NYAP2: variants seen among roughly 807,000 people sequenced by gnomAD.
NYAP2 encodes neuronal tyrosine-phosphorylated phosphoinositide-3-kinase adapter 2.
A neutral mutation model predicts 50.4 loss-of-function variants in NYAP2; 23 were observed. That is an observed-to-expected ratio of 0.46 (90% CI 0.33 to 0.65). The LOEUF is 0.65. NYAP2 is among the 30% of genes least tolerant of loss of function. NYAP2 has a pLI of 0.02. For synonymous variants in NYAP2, 394 were observed against 365.2 expected (o/e 1.08, Z -0.90); for missense variants, 885 against 861.0 (o/e 1.03, Z -0.35).
At chr2:225,646,342 G>A (rs1693634567) in intron 6 of NYAP2, among the ~76,000 whole-genome samples, 2 of 152,250 alleles carry the variant, frequency 1.3e-5, no homozygotes, top group South Asian at 2.1e-4. Context: ...ACGTGAGGTC[G>A]GGAGTTTGAG....
chr2:225,560,498 G>C (rs928457325), intron 4 of NYAP2, among the ~76,000 whole-genome samples: 1 of 152,106 alleles, frequency 6.6e-6, no homozygotes, highest in Non-Finnish European at 1.5e-5. Context: ...GATACATGAT[G>C]CTAAATTGCC....
At chr2:225,518,037 C>T (rs1344716802) in intron 4 of NYAP2, among the ~76,000 whole-genome samples, 11 of 152,030 alleles carry the variant, frequency 7.2e-5, no homozygotes, top group Non-Finnish European at 1.6e-4. Flanking sequence ...TTACAGCAAT[C>T]TTCACAATAG....
chr2:225,624,056 A>G (rs1334371592), intron 5 of NYAP2, among the ~76,000 whole-genome samples: 1 of 152,192 alleles, frequency 6.6e-6, no homozygotes, highest in Non-Finnish European at 1.5e-5. Flanking sequence ...TACTGCAACA[A>G]TTTTTAAAGT....
intron 5 of NYAP2, among the ~76,000 whole-genome samples, chr2:225,601,712 G>C (rs1237167339): frequency 6.6e-6 from 1 of 151,886 alleles, no homozygotes; most frequent in Non-Finnish European, 1.5e-5. Context: ...CAAGTCCTTT[G>C]CCTATTTATT....
At chr2:225,612,436 C>T (rs1238794727) in intron 5 of NYAP2, among the ~76,000 whole-genome samples, 2 of 152,072 alleles carry the variant, frequency 1.3e-5, no homozygotes, top group Non-Finnish European at 2.9e-5. Context: ...CCACCTCTGA[C>T]TGGCATTGGG....
At chr2:225,479,067 A>G (rs549546390) in intron 3 of NYAP2, among the ~76,000 whole-genome samples, 1 of 152,334 alleles carries the variant, frequency 6.6e-6, no homozygotes, top group South Asian at 2.1e-4. Context: ...ATATTGAGGG[A>G]GAAAAATATG....
At chr2:225,700,614 A>G in the NYAP2 span, 2 of 151,854 alleles carry the variant, frequency 1.3e-5, no homozygotes, top group Non-Finnish European at 2.9e-5. Flanking sequence ...TGTTATCCTG[A>G]TTTAAGTTAT....
chr2:225,535,629 G>A (rs77054908), intron 4 of NYAP2, among the ~76,000 whole-genome samples: 6,798 of 152,248 alleles, frequency 0.045, 217 homozygotes, highest in Middle Eastern at 0.12. Flanking sequence ...GGTGGTCTGA[G>A]TGGAAGAGTG....
intron 3 of NYAP2, among the ~76,000 whole-genome samples, chr2:225,486,556 C>A (rs766857448): frequency 2.0e-5 from 3 of 152,164 alleles, no homozygotes; most frequent in African/African-American, 4.8e-5. Flanking sequence ...GCTTCCAAAT[C>A]CCACTGATTT....
rs1490061752 is a variant in NYAP2, at chr2:225,615,780, A to C, written c.1619-11137A>C. On this transcript the variant is annotated intron_variant, in intron 5 of 6. Transcript: ENST00000636099. ...CAGCCAGACAGAGAAGTTTACCTAC[A>C]AGCCCAGGCAAGTGCTGGGGCCTTC... Among the ~76,000 whole-genome samples the C allele has an allele frequency of 1.3e-5, 2 of 152,202 alleles. 1 individual carries two copies. Among genetic ancestry groups the C allele is most frequent in the East Asian group, 3.9e-4 (2 of 5,190 alleles).
intron 4 of NYAP2, among the ~76,000 whole-genome samples, chr2:225,520,913 T>G (rs1172106813): frequency 6.6e-6 from 1 of 152,050 alleles, no homozygotes; most frequent in Non-Finnish European, 1.5e-5. Flanking sequence ...GAGCATGGAA[T>G]GTTCTTCCAT....
chr2:225,665,968 G>A, the NYAP2 span, among the ~76,000 whole-genome samples: 5 of 151,800 alleles, frequency 3.3e-5, no homozygotes, highest in African/African-American at 1.2e-4. Flanking sequence ...TGGGTGGAGT[G>A]GCTAGACCTG....
At chr2:225,486,658 G>A (rs549484933) in intron 3 of NYAP2, among the ~76,000 whole-genome samples, 4 of 152,110 alleles carry the variant, frequency 2.6e-5, no homozygotes, top group Non-Finnish European at 5.9e-5. Context: ...CATTGTACTC[G>A]TTCAAAGCAA....
chr2:225,411,469 C>T (rs1055269357), intron 3 of NYAP2, among the ~76,000 whole-genome samples: 3 of 151,952 alleles, frequency 2.0e-5, no homozygotes, highest in Non-Finnish European at 4.4e-5. Context: ...TTTTAAATGT[C>T]CAAGTGGAGA....
the NYAP2 span, among the ~76,000 whole-genome samples, chr2:225,662,184 A>C: frequency 6.6e-6 from 1 of 152,248 alleles, no homozygotes; most frequent in African/African-American, 2.4e-5. Context: ...GTGCCAACCA[A>C]GAGCAAAATC....
chr2:225,658,744 A>C (rs1395878536), downstream of NYAP2, among the ~76,000 whole-genome samples: 1 of 152,202 alleles, frequency 6.6e-6, no homozygotes, highest in Non-Finnish European at 1.5e-5. Context: ...AATAAAATTT[A>C]TTATTACTTT....
At chr2:225,518,666 T>A (rs1287292707) in intron 4 of NYAP2, among the ~76,000 whole-genome samples, 1 of 142,834 alleles carries the variant, frequency 7.0e-6, no homozygotes, top group African/African-American at 2.6e-5. Flanking sequence ...CTTTCTACAA[T>A]GTATACATAT....
the NYAP2 span, among the ~76,000 whole-genome samples, chr2:225,689,399 A>T: frequency 6.6e-6 from 1 of 152,332 alleles, no homozygotes; most frequent in Middle Eastern, 3.4e-3. Flanking sequence ...TAAATAGTAT[A>T]TATAACTTAA....
intron 6 of NYAP2, among the ~76,000 whole-genome samples, chr2:225,649,090 A>C (rs1693687302): frequency 6.6e-6 from 1 of 152,180 alleles, no homozygotes; most frequent in Non-Finnish European, 1.5e-5. Flanking sequence ...GTACTTGTGC[A>C]AGTGCGTGTG....
Sources: allele counts gnomAD v4.1 joint callset (sites outside exome capture counted in the v4.1 genomes callset), GRCh38; gene constraint gnomAD v4.1.1; transcripts MANE v1.5; gene names NCBI Gene and HGNC (gene_info 2026-07-23, HGNC 2026-07-21).